EIF2AK1: variants seen among roughly 807,000 people sequenced by gnomAD.
EIF2AK1 encodes the protein eukaryotic translation initiation factor 2-alpha kinase 1.
In EIF2AK1, 54 loss-of-function variants were observed where a neutral mutation model predicts 77.9. The ratio of observed to expected loss-of-function variants is 0.69; its 90% CI spans 0.56 to 0.87. The LOEUF (loss-of-function observed/expected upper bound fraction) is 0.87, where lower values mean the gene tolerates loss of function less well. EIF2AK1 is among the 40% of genes least tolerant of loss of function. The pLI, the probability that EIF2AK1 is intolerant of heterozygous loss-of-function variation, is 0.00. For missense variants in EIF2AK1, 810 were observed against 768.6 expected, an observed-to-expected ratio of 1.05 and a Z score of -0.64; for synonymous variants, 314 against 290.5, an observed-to-expected ratio of 1.08 and a Z score of -0.82.
At position 6,036,192 on chromosome 7, in the gene EIF2AK1, A is replaced by T. The variant is rs2302334; in HGVS notation, c.1332+1232T>A. On this transcript the variant is annotated intron_variant, in intron 11 of 14. Coordinates refer to ENST00000199389, the MANE Select transcript of EIF2AK1 (RefSeq NM_014413.4). This position sits in a 1 kb window ranked among gnomAD's most constrained non-coding sequence, Gnocchi z 4.6. ...CCAAGGAATTCTACCTGCAGGAATC[A>T]TGCTACCAGAATTCCGCCTCTTAAG... is the stretch of plus-strand genomic sequence containing the variant. 0.42 allele frequency: 651,570 copies of T among 1,549,104 alleles called. 140,544 individuals carry two copies. Among genetic ancestry groups the T allele is most frequent in the Middle Eastern group, 0.52 (3,125 of 5,980 alleles).
chr7:6,023,222 TG>T lies in EIF2AK1; in HGVS notation c.*1450del. 6.8e-7 allele frequency: 1 copy of T among 1,466,710 alleles called. No individual in the cohort carries two copies. 90.9% of individuals were successfully genotyped at this position (1,466,710 alleles called of 1,614,324 possible). ...CATGTCATCAGTCTGTGGTGTTTGG[TG>T]ACTGTCCCCTTCCCCACTGTGCGAG... On this transcript the variant is annotated 3_prime_UTR_variant, in exon 15 of 15. Transcript: ENST00000199389.
intron 9 of EIF2AK1, among the ~76,000 whole-genome samples, chr7:6,038,943 T>A (rs1788188034): frequency 6.6e-6 from 1 of 152,126 alleles, no homozygotes; most frequent in East Asian, 1.9e-4. Context: ...CAGGCTGAAG[T>A]CAGGCAGGGG....
At chr7:6,031,738 C>A in intron 11 of EIF2AK1, 1 of 781,252 alleles carries the variant, frequency 1.3e-6, no homozygotes, top group Non-Finnish European at 2.0e-6. Flanking sequence ...CTGCAGTGCT[C>A]CCCAAAGCCT....
In EIF2AK1 at chr7:6,036,274, GA is replaced by G; in HGVS notation, c.1332+1149del. 1.9e-6 allele frequency: 3 copies of G among 1,549,712 alleles called. No homozygotes were observed. The highest frequency in any genetic ancestry group is 1.7e-6 in the Non-Finnish European group (2 of 1,146,802). On this transcript the variant is annotated intron_variant, in intron 11 of 14. Coordinates refer to ENST00000199389, the MANE Select transcript of EIF2AK1 (RefSeq NM_014413.4). This position sits in a 1 kb window ranked among gnomAD's most constrained non-coding sequence, Gnocchi z 4.6. ...TTATCCCTACAGGGTATCTGCAAAAGAAACATCAGGAATATTTATGGTGAGA... is the reference window on the plus strand; with the variant it reads ...TTATCCCTACAGGGTATCTGCAAAAGAACATCAGGAATATTTATGGTGAGA...
chr7:6,053,841 A>ATTT (rs34993470), intron 2 of EIF2AK1, among the ~76,000 whole-genome samples: 3 of 145,846 alleles, frequency 2.1e-5, no homozygotes, highest in African/African-American at 7.6e-5. Context: ...GTAGTTTTGC[A>ATTT]TTTTTTTTTT....
At chr7:6,048,750 CTTAA>C in intron 4 of EIF2AK1, 53 bp downstream of exon 4, 4 of 1,344,460 alleles carry the variant, frequency 3.0e-6, no homozygotes, top group Non-Finnish European at 3.1e-6. Flanking sequence ...TCAGTATTTT[CTTAA>C]TTTTGATTTC....
chr7:6,043,430 T>G (rs574385311), intron 7 of EIF2AK1, among the ~76,000 whole-genome samples: 12 of 151,984 alleles, frequency 7.9e-5, no homozygotes, highest in African/African-American at 2.7e-4. Flanking sequence ...AAAACAAAAT[T>G]TAATGTAATT....
Position 6,059,146 on chromosome 7 carries a change from G to T in EIF2AK1, c.-63C>A. Reference sequence around the variant, plus strand: ...CAGCCCAGCACTGCCACACTCCGATGCTGCAGCTAGCGCCGTCCGACCCGG... The same window carrying T: ...CAGCCCAGCACTGCCACACTCCGATTCTGCAGCTAGCGCCGTCCGACCCGG... On this transcript the variant is annotated 5_prime_UTR_variant, in exon 1 of 15. Coordinates refer to ENST00000199389, the MANE Select transcript of EIF2AK1 (RefSeq NM_014413.4). 2 of 1,125,658 alleles carry T rather than the reference G, an allele frequency of 1.8e-6. No homozygotes were observed. The highest frequency in any genetic ancestry group is 2.3e-6 in the Non-Finnish European group (2 of 857,024). 69.7% of individuals were successfully genotyped at this position (1,125,658 alleles called of 1,614,324 possible).
chr7:6,032,972 TTC>T lies in EIF2AK1; in HGVS notation c.1333-3942_1333-3941del. 1 of 1,524,494 alleles carries T rather than the reference TTC, an allele frequency of 6.6e-7. No individual in the cohort carries two copies. 94.4% of individuals were successfully genotyped at this position (1,524,494 alleles called of 1,614,324 possible). ...TCCACCGAAAATCATTTCTTTTTTT[TTC>T]TTTTTTGTTTTGAGGCAGGGGTCTC... is the stretch of plus-strand genomic sequence containing the variant. On this transcript the variant is annotated intron_variant, in intron 11 of 14. Transcript: ENST00000199389. This position sits in a 1 kb window ranked among gnomAD's most constrained non-coding sequence, Gnocchi z 4.3.
Position 6,044,561 on chromosome 7 carries a change from C to G in EIF2AK1, c.730+1G>C. ...CTACCATACCATCAAAAACGGCTTA[C>G]CTCGTGGCTGAATCACATGAACATG... On this transcript the variant is annotated splice_donor_variant, in intron 7 of 14. Coordinates refer to ENST00000199389, the MANE Select transcript of EIF2AK1 (RefSeq NM_014413.4). LOFTEE classifies it high-confidence loss of function. 1 of 1,612,410 alleles carries G rather than the reference C, an allele frequency of 6.2e-7. No homozygotes were observed. Among genetic ancestry groups the G allele is most frequent in the Non-Finnish European group, 8.5e-7 (1 of 1,178,976 alleles).
At chr7:6,037,325 AC>A in intron 11 of EIF2AK1, 98 bp downstream of exon 11, 1 of 765,550 alleles carries the variant, frequency 1.3e-6, no homozygotes, top group East Asian at 2.5e-5. Context: ...AAGCAAATGA[AC>A]TAGGACATGT....
Position 6,024,804 on chromosome 7 carries a change from G to A in EIF2AK1, c.1765-3C>T, listed in dbSNP as rs771507564. On this transcript the variant is annotated splice_polypyrimidine_tract_variant and splice_region_variant and intron_variant, in intron 14 of 14. Coordinates refer to ENST00000199389, the MANE Select transcript of EIF2AK1 (RefSeq NM_014413.4). ...TTCATCTGTAGGGTGAGGTTAACCT[G>A]TAAGGAGAAAATATTTTAAACTCCA... 1.2e-5 allele frequency: 18 copies of A among 1,487,130 alleles called. No individual in the cohort carries two copies. Among genetic ancestry groups the A allele is most frequent in the African/African-American group, 1.5e-5 (1 of 68,362 alleles). 92.1% of individuals were successfully genotyped at this position (1,487,130 alleles called of 1,614,324 possible). A position where few individuals can be genotyped will look rare whatever the true frequency, so the allele number is the denominator to read the frequency against.
Position 6,026,849 on chromosome 7 carries a change from G to A in EIF2AK1, c.1643C>T (p.Ser548Phe). 6.2e-7 allele frequency: 1 copy of A among 1,614,138 alleles called. No individual in the cohort carries two copies. Among genetic ancestry groups the A allele is most frequent in the Non-Finnish European group, 8.5e-7 (1 of 1,180,022 alleles). The part of the protein sequence containing the change: ...TGLRTGQLPE[S>F]LRKRCPVQAK... ...TTGCACTGGACACCTTTTACGGAGGGATTCCGGCAACTGACCAGTTCTTAA... is the reference window on the plus strand; with the variant it reads ...TTGCACTGGACACCTTTTACGGAGGAATTCCGGCAACTGACCAGTTCTTAA... The change falls in exon 14 of 15, where the codon TCC becomes TTC. Residue 548 changes from serine (S) to phenylalanine (F), a missense_variant. Transcript: ENST00000199389.
intron 9 of EIF2AK1, 103 bp from the exon 10 acceptor site, chr7:6,038,774 G>T (rs1402035177): frequency 1.1e-6 from 1 of 943,214 alleles, no homozygotes; most frequent in Non-Finnish European, 1.6e-6. Flanking sequence ...AAGAGAGTAG[G>T]CCTCTAGGGA....
At chr7:6,050,600 CTCTT>C (rs1401810337) in intron 2 of EIF2AK1, among the ~76,000 whole-genome samples, 2 of 145,786 alleles carry the variant, frequency 1.4e-5, no homozygotes, top group South Asian at 2.2e-4. Flanking sequence ...ATAATTACTT[CTCTT>C]TTTTTTTTTT....
chr7:6,054,028 G>C (rs768609246), intron 2 of EIF2AK1, among the ~76,000 whole-genome samples: 2 of 151,378 alleles, frequency 1.3e-5, no homozygotes, highest in African/African-American at 2.4e-5. Context: ...TAGTCACTCT[G>C]CTGTGCTATC....
In EIF2AK1 at chr7:6,023,891, G is replaced by A. The variant is rs1260179254; in HGVS notation, c.*782C>T. ...TCATACGCCATCTACCGTGATGACTGCCAACTCCATGGCAGACCCTTTCTG... is the reference window on the plus strand; with the variant it reads ...TCATACGCCATCTACCGTGATGACTACCAACTCCATGGCAGACCCTTTCTG... On this transcript the variant is annotated 3_prime_UTR_variant, in exon 15 of 15. Coordinates refer to ENST00000199389, the MANE Select transcript of EIF2AK1 (RefSeq NM_014413.4). 3 of 1,516,114 alleles carry A rather than the reference G, an allele frequency of 2.0e-6. No homozygotes were observed. The South Asian group carries it at 3.6e-5, about 18-fold the overall frequency. 93.9% of individuals were successfully genotyped at this position (1,516,114 alleles called of 1,614,324 possible).
Position 6,054,515 on chromosome 7 carries a change from TATTTAGCAAGATTC to T in EIF2AK1, c.277+17_277+30del. 6.2e-7 allele frequency: 1 copy of T among 1,611,138 alleles called. No homozygotes were observed. The highest frequency in any genetic ancestry group is 2.2e-5 in the East Asian group (1 of 44,826). On this transcript the variant is annotated intron_variant, in intron 2 of 14. Transcript: ENST00000199389. ...CACGGAGCCCAGCCTTTACAAGCTT[TATTTAGCAAGATTC>T]ATTTATTCTTACTTACGCTTAAACA...
chr7:6,027,148 C>T lies in EIF2AK1; in HGVS notation c.1531-187G>A, dbSNP rs770521408. ...GGACTTTCACAACCTCAAAAAGGGGCATCCGTGGGCACGCAGAATGGATGG... is the reference window on the plus strand; with the variant it reads ...GGACTTTCACAACCTCAAAAAGGGGTATCCGTGGGCACGCAGAATGGATGG... On this transcript the variant is annotated intron_variant, in intron 13 of 14. Transcript: ENST00000199389. The surrounding 1 kb of genome is among the most constrained non-coding windows in gnomAD (Gnocchi z 4.5). Among the ~76,000 whole-genome samples, 52 of 152,166 alleles carry T rather than the reference C, an allele frequency of 3.4e-4. No homozygotes were observed. Among genetic ancestry groups the T allele is most frequent in the South Asian group, 6.2e-4 (3 of 4,828 alleles).
Sources: gnomAD v4.1 joint callset for allele counts (sites outside exome capture counted in the v4.1 genomes callset) on GRCh38, gnomAD v4.1.1 for gene constraint, Gnocchi (gnomAD v3.1) non-coding constraint, MANE v1.5 for transcripts, NCBI Gene and HGNC (gene_info 2026-07-23, HGNC 2026-07-21) for gene names.